RSRC1: variants seen among roughly 807,000 people sequenced by gnomAD.
The protein encoded by RSRC1 is arginine and serine rich coiled-coil 1, also known as serine/Arginine-related protein 53.
In RSRC1, 39 loss-of-function variants were observed where a neutral mutation model predicts 49.1. The observed-to-expected ratio is 0.79, with a 90% CI of 0.61 to 1.04. The LOEUF (loss-of-function observed/expected upper bound fraction) is 1.04, where lower values mean the gene tolerates loss of function less well. RSRC1 is among the 50% of genes least tolerant of loss of function. The probability of loss-of-function intolerance (pLI) is 0.00; values close to 1 mark genes in which losing one functional copy is unlikely to be tolerated. For synonymous variants in RSRC1, 143 were observed against 130.8 expected, an observed-to-expected ratio of 1.09 and a Z score of -0.63; for missense variants, 388 against 402.4, an observed-to-expected ratio of 0.96 and a Z score of 0.31.
intron 4 of RSRC1, among the ~76,000 whole-genome samples, chr3:158,273,598 A>G (rs544174269): frequency 1.3e-5 from 2 of 152,262 alleles, no homozygotes; most frequent in Admixed American, 1.3e-4. Flanking sequence ...AAGTCTAGCC[A>G]TTCAGAACAT....
chr3:158,406,940 G>A (rs932742852), intron 6 of RSRC1, among the ~76,000 whole-genome samples: 3 of 152,004 alleles, frequency 2.0e-5, no homozygotes, highest in Admixed American at 6.6e-5. Flanking sequence ...AAAGAAGATC[G>A]ATAGGGTGCA....
chr3:158,515,013 C>T (rs1415972004), intron 7 of RSRC1, among the ~76,000 whole-genome samples: 2 of 151,490 alleles, frequency 1.3e-5, no homozygotes, highest in Non-Finnish European at 2.9e-5. Flanking sequence ...ATGTGTGTCT[C>T]TGCACTTGAG....
chr3:158,345,101 A>C (rs1730474093), intron 5 of RSRC1, among the ~76,000 whole-genome samples: 1 of 151,802 alleles, frequency 6.6e-6, no homozygotes, highest in Non-Finnish European at 1.5e-5. Flanking sequence ...GGTGTCGGGC[A>C]CCTGTAGTCC....
At chr3:158,470,583 G>A (rs968792573) in intron 7 of RSRC1, among the ~76,000 whole-genome samples, 6 of 151,906 alleles carry the variant, frequency 3.9e-5, no homozygotes, top group Non-Finnish European at 8.8e-5. Flanking sequence ...AATTTAGTTG[G>A]TGTAAAATTA....
At chr3:158,194,698 C>G (rs1009017315) in intron 3 of RSRC1, among the ~76,000 whole-genome samples, 1 of 144,314 alleles carries the variant, frequency 6.9e-6, no homozygotes, top group Non-Finnish European at 1.5e-5. Context: ...TTCCTGTGTC[C>G]GTGTGTTCTC....
At chr3:158,379,404 G>A (rs916135511) in intron 6 of RSRC1, among the ~76,000 whole-genome samples, 1 of 151,714 alleles carries the variant, frequency 6.6e-6, no homozygotes, top group Non-Finnish European at 1.5e-5. Flanking sequence ...GTTTCACCAT[G>A]TTAGCCAGGA....
chr3:158,274,364 G>T (rs1216575621), intron 4 of RSRC1, among the ~76,000 whole-genome samples: 1 of 131,230 alleles, frequency 7.6e-6, no homozygotes, highest in South Asian at 2.3e-4. Context: ...TTTTGCCAAG[G>T]TTAGTCTTTT....
At chr3:158,381,107 C>A (rs1226727579) in intron 6 of RSRC1, among the ~76,000 whole-genome samples, 6 of 152,030 alleles carry the variant, frequency 3.9e-5, no homozygotes, top group Non-Finnish European at 5.9e-5. Context: ...ATGTTATTTA[C>A]CACTATAAAA....
At chr3:158,490,137 T>G (rs1322813905) in intron 7 of RSRC1, among the ~76,000 whole-genome samples, 3 of 152,184 alleles carry the variant, frequency 2.0e-5, no homozygotes, top group Non-Finnish European at 2.9e-5. Context: ...CAGGCTGGAG[T>G]GCAGTGGTGC....
chr3:158,488,936 C>T (rs1738947715), intron 7 of RSRC1, among the ~76,000 whole-genome samples: 1 of 152,276 alleles, frequency 6.6e-6, no homozygotes, highest in African/African-American at 2.4e-5. Flanking sequence ...TATTAAAATG[C>T]TCTCAGGTTT....
intron 8 of RSRC1, among the ~76,000 whole-genome samples, chr3:158,537,456 G>C (rs761413243): frequency 6.6e-6 from 1 of 151,514 alleles, no homozygotes; most frequent in Non-Finnish European, 1.5e-5. Context: ...TAAGTAATAT[G>C]TCAACAAGAT....
At chr3:158,337,761 C>T (rs1239788820) in intron 5 of RSRC1, among the ~76,000 whole-genome samples, 1 of 152,158 alleles carries the variant, frequency 6.6e-6, no homozygotes, top group African/African-American at 2.4e-5. Flanking sequence ...GCTATGCTAT[C>T]GATTCTCCTA....
At chr3:158,371,102 CTT>C (rs913448748) in intron 6 of RSRC1, among the ~76,000 whole-genome samples, 7 of 151,738 alleles carry the variant, frequency 4.6e-5, no homozygotes, top group African/African-American at 1.7e-4. Flanking sequence ...CTGCTCATAT[CTT>C]TTGCCTGTTT....
intron 1 of RSRC1, among the ~76,000 whole-genome samples, chr3:158,120,198 A>G (rs902199016): frequency 3.3e-5 from 5 of 152,130 alleles, no homozygotes; most frequent in African/African-American, 1.2e-4. Context: ...TCATTTTTTA[A>G]ATGAGGAAAC....
At chr3:158,339,768 T>C (rs1015937704) in intron 5 of RSRC1, among the ~76,000 whole-genome samples, 1 of 152,216 alleles carries the variant, frequency 6.6e-6, no homozygotes, top group South Asian at 2.1e-4. Flanking sequence ...CAATGGTTGC[T>C]TTCAAAAAGC....
At chr3:158,433,862 ATTC>A in intron 6 of RSRC1, among the ~76,000 whole-genome samples, 1 of 151,986 alleles carries the variant, frequency 6.6e-6, no homozygotes, top group Non-Finnish European at 1.5e-5. Context: ...TGCTAAGATT[ATTC>A]AAATTTTAAT....
In RSRC1 at chr3:158,256,443, G is replaced by A. The variant is rs988854114; in HGVS notation, c.495-41596G>A. ...TCGTGGTGGAAAAGCTTTTTGATGTGCTGCTGGATTTGGTTTGCCAGTATT... is the reference window on the plus strand; with the variant it reads ...TCGTGGTGGAAAAGCTTTTTGATGTACTGCTGGATTTGGTTTGCCAGTATT... On this transcript the variant is annotated intron_variant, in intron 4 of 9. Coordinates refer to ENST00000611884, the MANE Select transcript of RSRC1 (RefSeq NM_001271838.2). 2.2e-4 allele frequency among the ~76,000 whole-genome samples: 33 copies of A among 152,146 alleles called. 1 individual carries two copies. Among genetic ancestry groups the A allele is most frequent in the Non-Finnish European group, 4.6e-4 (31 of 68,038 alleles).
intron 3 of RSRC1, among the ~76,000 whole-genome samples, chr3:158,199,151 T>C (rs148356910): frequency 0.012 from 1,902 of 152,270 alleles, 49 homozygotes; most frequent in African/African-American, 0.044. Context: ...CTGCACAAGC[T>C]CTTTCTTTGC....
At chr3:158,116,626 A>G (rs1714841614) in intron 1 of RSRC1, among the ~76,000 whole-genome samples, 1 of 152,082 alleles carries the variant, frequency 6.6e-6, no homozygotes, top group African/African-American at 2.4e-5. Context: ...CTAAGGTGCC[A>G]GCAGTTTTGT....
Sources: allele counts gnomAD v4.1 joint callset (sites outside exome capture counted in the v4.1 genomes callset), GRCh38; gene constraint gnomAD v4.1.1; transcripts MANE v1.5; gene names NCBI Gene and HGNC (gene_info 2026-07-23, HGNC 2026-07-21).